Variants in SASH1 observed in about 807,000 individuals in gnomAD.
SASH1 encodes SAM and SH3 domain containing 1, also known as SAM and SH3 domain-containing protein 1.
SASH1 carries 44 observed loss-of-function variants against 125.2 expected under a neutral mutation model. The observed-to-expected ratio is 0.35, with a 90% CI of 0.28 to 0.45. SASH1 has a LOEUF of 0.45. Among genes scored for constraint, SASH1 ranks in the 20% least tolerant of loss-of-function variants. The pLI, the probability that SASH1 is intolerant of heterozygous loss-of-function variation, is 1.00. For missense variants in SASH1, 1,426 were observed against 1,614.5 expected, an observed-to-expected ratio of 0.88 and a Z score of 2.00; for synonymous variants, 639 against 649.1, an observed-to-expected ratio of 0.98 and a Z score of 0.24.
upstream of SASH1, among the ~76,000 whole-genome samples, chr6:148,267,673 C>T (rs1039596598): frequency 2.6e-5 from 4 of 152,108 alleles, no homozygotes; most frequent in South Asian, 4.1e-4. Context: ...TCACCGTGCC[C>T]GGCCCCAGTG....
At chr6:148,496,788 T>G (rs994525630) in intron 8 of SASH1, among the ~76,000 whole-genome samples, 3 of 151,970 alleles carry the variant, frequency 2.0e-5, no homozygotes, top group Non-Finnish European at 2.9e-5. Flanking sequence ...CGGGAGGATT[T>G]CTTGAGCCCA....
At chr6:148,499,320 TTTA>T (rs1348329065) in intron 8 of SASH1, among the ~76,000 whole-genome samples, 1 of 152,234 alleles carries the variant, frequency 6.6e-6, no homozygotes, top group African/African-American at 2.4e-5. Context: ...CACTCTAATA[TTTA>T]TTATTAGTAT....
At chr6:148,305,623 C>CAAAAAAAAAAAAAAAAA (rs59521298) in intron 1 of SASH1, among the ~76,000 whole-genome samples, 12 of 104,302 alleles carry the variant, frequency 1.2e-4, no homozygotes, top group African/African-American at 1.9e-4. Flanking sequence ...GACTCTGACT[C>CAAAAAAAAAAAAAAAAA]AAAAAAAAAA....
the SASH1 span, among the ~76,000 whole-genome samples, chr6:148,197,576 G>A: frequency 0.078 from 11,827 of 152,198 alleles, 520 homozygotes; most frequent in Non-Finnish European, 0.089. Flanking sequence ...GGAGCATTCT[G>A]CTCCCTCAAA....
chr6:148,532,931 C>G lies in SASH1; in HGVS notation c.1699C>G (p.Pro567Ala), dbSNP rs756025520. The G allele has an allele frequency of 4.3e-6, 7 of 1,614,172 alleles. No individual in the cohort carries two copies. Among genetic ancestry groups the G allele is most frequent in the Non-Finnish European group, 5.9e-6 (7 of 1,180,032 alleles). ...GRARVHTDFT[P>A]SPYDTDSLKL... ...TGCCAGGGTGCACACCGACTTCACC[C>G]CCAGTCCCTATGACACAGACTCACT... is the stretch of plus-strand genomic sequence containing the variant. The change falls in exon 14 of 20, where the codon CCC becomes GCC. Residue 567 changes from proline (P) to alanine (A), a missense_variant. By Grantham distance (27) the Pro-to-Ala change is conservative (BLOSUM62 -1). Transcript: ENST00000367467. This position sits in a 1 kb window ranked among gnomAD's most constrained non-coding sequence, Gnocchi z 4.7.
intron 8 of SASH1, chr6:148,508,881 A>G: frequency 7.8e-7 from 1 of 1,283,654 alleles, no homozygotes. Context: ...GAAGCCGGTA[A>G]GTCACTGAAT....
At chr6:148,404,675 C>G (rs1397130718) in intron 2 of SASH1, among the ~76,000 whole-genome samples, 1 of 119,522 alleles carries the variant, frequency 8.4e-6, no homozygotes, top group Non-Finnish European at 1.7e-5. Context: ...ACCCTCATCC[C>G]AACCCCAGCC....
chr6:148,463,205 C>T (rs946686188), intron 4 of SASH1, among the ~76,000 whole-genome samples: 9 of 151,346 alleles, frequency 5.9e-5, no homozygotes, highest in Non-Finnish European at 1.0e-4. Flanking sequence ...AGTGCAGTGG[C>T]GCAATCTCGG....
At position 148,544,396 on chromosome 6, in the gene SASH1, A is replaced by G. The variant is rs199756887; in HGVS notation, c.2926A>G (p.Met976Val). The change falls in exon 18 of 20, where the codon ATG becomes GTG. Residue 976 changes from methionine (M) to valine (V), a missense_variant. Met to Val is a conservative substitution (Grantham distance 21). This residue lies in a region of SASH1 where 634 missense variants were observed against 694.4 expected (regional missense o/e 0.91). Transcript: ENST00000367467. This position sits in a 1 kb window ranked among gnomAD's most constrained non-coding sequence, Gnocchi z 6.4. ...AGAAGGGGTAGATGCTGAGCAGAGA[A>G]TGCAGCCCAAAATTCCATCACAGCC... ...TKEGVDAEQR[M>V]QPKIPSQPPP... 4.3e-6 allele frequency: 7 copies of G among 1,614,076 alleles called. No homozygotes were observed.
chr6:148,202,372 G>A, the SASH1 span, among the ~76,000 whole-genome samples: 1 of 152,108 alleles, frequency 6.6e-6, no homozygotes, highest in Non-Finnish European at 1.5e-5. Context: ...GGCCCACATA[G>A]CGAAAAGACA....
At chr6:148,237,650 A>G in the SASH1 span, 1 of 152,202 alleles carries the variant, frequency 6.6e-6, no homozygotes, top group Non-Finnish European at 1.5e-5. Context: ...GCAAAGACAC[A>G]TCAGTTGTAC....
At chr6:148,511,324 T>TACACACACACACACACACACACAC (rs58822082) in intron 8 of SASH1, among the ~76,000 whole-genome samples, 2 of 135,384 alleles carry the variant, frequency 1.5e-5, no homozygotes, top group Non-Finnish European at 3.2e-5. Flanking sequence ...AATTTTCTAT[T>TACACACACACACACACACACACAC]ACACACACAC....
At chr6:148,215,723 C>T in the SASH1 span, among the ~76,000 whole-genome samples, 1 of 152,278 alleles carries the variant, frequency 6.6e-6, no homozygotes, top group East Asian at 1.9e-4. Flanking sequence ...ATCGCATCCC[C>T]AGACGTCAGG....
At chr6:148,527,792 G>A (rs1258059685) in intron 12 of SASH1, among the ~76,000 whole-genome samples, 196 bp downstream of exon 12, 4 of 152,332 alleles carry the variant, frequency 2.6e-5, no homozygotes, top group African/African-American at 9.6e-5. Context: ...GCTCAGCACC[G>A]TGCTTGGTGC....
chr6:148,479,223 ATT>A (rs1302940143), intron 7 of SASH1: 1 of 151,992 alleles, frequency 6.6e-6, no homozygotes, highest in East Asian at 1.9e-4. Flanking sequence ...TAATTTTTGT[ATT>A]TTTAGTAGAG....
chr6:148,304,558 C>T (rs1022234284), intron 1 of SASH1, among the ~76,000 whole-genome samples: 15 of 151,832 alleles, frequency 9.9e-5, no homozygotes, highest in Non-Finnish European at 1.9e-4. Context: ...TGCAGTGAGC[C>T]GAGACCACGC....
At chr6:148,288,183 A>G (rs1005158690) in intron 1 of SASH1, among the ~76,000 whole-genome samples, 1 of 152,214 alleles carries the variant, frequency 6.6e-6, no homozygotes, top group Non-Finnish European at 1.5e-5. Context: ...CCTGGATTTA[A>G]TGATAACTTG....
intron 1 of SASH1, among the ~76,000 whole-genome samples, chr6:148,345,363 C>A (rs777350473): frequency 3.2e-4 from 49 of 152,158 alleles, no homozygotes; most frequent in Non-Finnish European, 6.2e-4. Flanking sequence ...GAAGCTCAAA[C>A]CTGCTATTGA....
chr6:148,502,903 C>T (rs951320502), intron 8 of SASH1, among the ~76,000 whole-genome samples: 2 of 152,162 alleles, frequency 1.3e-5, no homozygotes, highest in African/African-American at 2.4e-5. Flanking sequence ...CTTCCCACAT[C>T]GGAATTCCTA....
Sources: allele counts gnomAD v4.1 joint callset (sites outside exome capture counted in the v4.1 genomes callset), GRCh38; gene constraint gnomAD v4.1.1; regional missense constraint gnomAD v4.1.1; non-coding constraint Gnocchi (gnomAD v3.1); transcripts MANE v1.5; gene names NCBI Gene and HGNC (gene_info 2026-07-23, HGNC 2026-07-21).